TSPAN15: variants seen among roughly 807,000 people sequenced by gnomAD.
The protein encoded by TSPAN15 is tetraspanin 15.
A neutral mutation model predicts 34.5 loss-of-function variants in TSPAN15; 20 were observed. The ratio of observed to expected loss-of-function variants is 0.58; its 90% CI spans 0.41 to 0.84. The LOEUF is 0.84. TSPAN15 is among the 40% of genes least tolerant of loss of function. The pLI is 0.00. For missense variants in TSPAN15, 313 were observed against 386.1 expected, an observed-to-expected ratio of 0.81 and a Z score of 1.59; for synonymous variants, 155 against 153.9, an observed-to-expected ratio of 1.01 and a Z score of -0.05.
the TSPAN15 span, among the ~76,000 whole-genome samples, chr10:69,519,581 T>C: frequency 6.6e-6 from 1 of 152,224 alleles, no homozygotes; most frequent in Non-Finnish European, 1.5e-5. Flanking sequence ...TTATTTTCTT[T>C]AAAAATCAGA....
chr10:69,532,897 A>G, the TSPAN15 span, among the ~76,000 whole-genome samples: 4 of 152,256 alleles, frequency 2.6e-5, no homozygotes, highest in African/African-American at 2.4e-5. Context: ...AAAAGAAGGT[A>G]TACAAATGCC....
chr10:69,453,543 TCA>T (rs1432235887), intron 1 of TSPAN15, among the ~76,000 whole-genome samples: 6 of 152,124 alleles, frequency 3.9e-5, no homozygotes, highest in Admixed American at 2.0e-4. Context: ...AGATATATAA[TCA>T]CAAACCAGTC....
chr10:69,455,858 G>GC (rs1004170686), intron 1 of TSPAN15, among the ~76,000 whole-genome samples: 4 of 151,924 alleles, frequency 2.6e-5, no homozygotes, highest in Admixed American at 6.6e-5. Context: ...TGTACACTGA[G>GC]CCCCCAGGTC....
the TSPAN15 span, among the ~76,000 whole-genome samples, chr10:69,545,517 C>T: frequency 6.6e-6 from 1 of 152,148 alleles, no homozygotes. Flanking sequence ...CAGTCGGAGG[C>T]AGTCAAAGAA....
chr10:69,504,245 G>A (rs1842276768), intron 5 of TSPAN15, among the ~76,000 whole-genome samples, 193 bp from the exon 6 acceptor site: 1 of 152,058 alleles, frequency 6.6e-6, no homozygotes, highest in East Asian at 1.9e-4. Context: ...GTTTTTTCAC[G>A]GGGCATTTCT....
chr10:69,518,428 TTTTTTC>T, the TSPAN15 span, among the ~76,000 whole-genome samples: 4 of 152,120 alleles, frequency 2.6e-5, no homozygotes, highest in African/African-American at 9.7e-5. Context: ...ACTCTTGATT[TTTTTTC>T]TTTTTCTTGA....
chr10:69,529,200 C>T, the TSPAN15 span, among the ~76,000 whole-genome samples: 1 of 147,894 alleles, frequency 6.8e-6, no homozygotes, highest in Admixed American at 7.0e-5. Flanking sequence ...CCTGAGTCTG[C>T]AGCTACAGTT....
At chr10:69,478,014 G>A (rs567229981) in intron 1 of TSPAN15, among the ~76,000 whole-genome samples, 10 of 152,332 alleles carry the variant, frequency 6.6e-5, no homozygotes, top group East Asian at 3.9e-4. Flanking sequence ...GCCCACAAGC[G>A]GGAAGTGACA....
At chr10:69,544,813 T>C in the TSPAN15 span, among the ~76,000 whole-genome samples, 1 of 152,140 alleles carries the variant, frequency 6.6e-6, no homozygotes, top group African/African-American at 2.4e-5. Flanking sequence ...CTCCCTCCCC[T>C]TCGACTCGGG....
At chr10:69,510,329 C>T (rs1219502382), downstream of TSPAN15, among the ~76,000 whole-genome samples, 3 of 152,102 alleles carry the variant, frequency 2.0e-5, no homozygotes, top group Non-Finnish European at 4.4e-5. Flanking sequence ...GTATTTTATT[C>T]TCTTTATAGC....
At chr10:69,519,823 C>G in the TSPAN15 span, among the ~76,000 whole-genome samples, 1 of 152,202 alleles carries the variant, frequency 6.6e-6, no homozygotes, top group East Asian at 1.9e-4. Context: ...ACCTCTGCCT[C>G]CCGGGTTCAA....
At chr10:69,512,122 A>G (rs1364707445), downstream of TSPAN15, among the ~76,000 whole-genome samples, 1 of 152,198 alleles carries the variant, frequency 6.6e-6, no homozygotes, top group African/African-American at 2.4e-5. Flanking sequence ...GAGTACCTGG[A>G]GAGGGCTTTG....
the TSPAN15 span, among the ~76,000 whole-genome samples, chr10:69,543,844 A>AGTATGTGTGTGT: frequency 2.2e-4 from 16 of 73,738 alleles, no homozygotes; most frequent in African/African-American, 7.4e-4. Context: ...GAAGAAGGGG[A>AGTATGTGTGTGT]GTGTGTGTGT....
intron 1 of TSPAN15, among the ~76,000 whole-genome samples, chr10:69,478,102 C>T (rs1371050194): frequency 6.6e-6 from 1 of 152,176 alleles, no homozygotes; most frequent in African/African-American, 2.4e-5. Context: ...CCCGCCAGCA[C>T]CCTGCTCTGG....
chr10:69,545,781 C>G, the TSPAN15 span, among the ~76,000 whole-genome samples: 5 of 152,084 alleles, frequency 3.3e-5, no homozygotes, highest in African/African-American at 1.2e-4. Context: ...ATGGTGAAAC[C>G]TCGTCTCTAC....
At chr10:69,482,965 ATTTT>A (rs201958040) in intron 1 of TSPAN15, among the ~76,000 whole-genome samples, 1 of 151,032 alleles carries the variant, frequency 6.6e-6, no homozygotes, top group Non-Finnish European at 1.5e-5. Context: ...GGCAGGGTTG[ATTTT>A]TTTTTTTTGT....
the TSPAN15 span, among the ~76,000 whole-genome samples, chr10:69,543,844 A>AGGGT: frequency 1.4e-5 from 1 of 73,738 alleles, no homozygotes; most frequent in Non-Finnish European, 2.6e-5. Context: ...GAAGAAGGGG[A>AGGGT]GTGTGTGTGT....
chr10:69,512,660 T>C (rs1842426470), downstream of TSPAN15, among the ~76,000 whole-genome samples: 8 of 152,250 alleles, frequency 5.3e-5, no homozygotes, highest in Admixed American at 5.2e-4. Flanking sequence ...TGGTATTTTC[T>C]AAAATGTTAT....
At chr10:69,514,095 A>G in the TSPAN15 span, among the ~76,000 whole-genome samples, 1 of 152,204 alleles carries the variant, frequency 6.6e-6, no homozygotes, top group Admixed American at 6.5e-5. Flanking sequence ...AGTTTACTCA[A>G]CATTTTTGTT....
Sources: allele counts gnomAD v4.1 joint callset (sites outside exome capture counted in the v4.1 genomes callset), GRCh38; gene constraint gnomAD v4.1.1; transcripts MANE v1.5; gene names NCBI Gene and HGNC (gene_info 2026-07-23, HGNC 2026-07-21).